Variants in DALRD3 observed in about 807,000 individuals in gnomAD.
DALRD3 encodes the protein DALR anticodon binding domain containing 3.
In DALRD3, 47 loss-of-function variants were observed where a neutral mutation model predicts 56.7. That is an observed-to-expected ratio of 0.83 (90% CI 0.66 to 1.06). The LOEUF (loss-of-function observed/expected upper bound fraction) is 1.06, where lower values mean the gene tolerates loss of function less well. Ranked by LOEUF, DALRD3 falls within the 50% of genes least tolerant of loss-of-function variation. The pLI, the probability that DALRD3 is intolerant of heterozygous loss-of-function variation, is 0.00. For missense variants in DALRD3, 787 were observed against 724.0 expected, an observed-to-expected ratio of 1.09 and a Z score of -1.00; for synonymous variants, 347 against 308.5, an observed-to-expected ratio of 1.12 and a Z score of -1.31.
Position 49,015,805 on chromosome 3 carries a change from C to G in DALRD3, c.1511G>C (p.Gly504Ala). 1 of 1,614,134 alleles carries G rather than the reference C, an allele frequency of 6.2e-7. No homozygotes were observed. Among genetic ancestry groups the G allele is most frequent in the Non-Finnish European group, 8.5e-7 (1 of 1,180,036 alleles). ...CACCCCATTTTGCTGTGTGCTCACC[C>G]CCAGGATGTGTACCCGGTTGTAGTA... ...SSYYNRVHIL[G>A]EPRPHLFGQM... Residue 504 changes from glycine (G) to alanine (A), a missense_variant and splice_region_variant, in exon 11 of 12, where the codon GGG (glycine) becomes GCG (alanine). Coordinates refer to ENST00000341949, the MANE Select transcript of DALRD3 (RefSeq NM_001009996.3).
chr3:49,020,504 T>C (rs1575299971), upstream of DALRD3: 1 of 414,236 alleles, frequency 2.4e-6, no homozygotes, highest in Non-Finnish European at 5.1e-6. Flanking sequence ...CTCTCCCACG[T>C]CTACACCCAT....
In DALRD3 at chr3:49,016,321, TCAGCCAGAGC is replaced by T. The variant is rs2093069230; in HGVS notation, c.1156_1165del (p.Ala386ThrfsTer44). On this transcript the variant is annotated frameshift_variant, in exon 9 of 12. Coordinates refer to ENST00000341949, the MANE Select transcript of DALRD3 (RefSeq NM_001009996.3). LOFTEE classifies it high-confidence loss of function. Reference sequence around the variant, plus strand: ...TGTGCCCTTCGTGGAGATACTGCTGTCAGCCAGAGCCAGGAAGAGCTGGGGAATAGAAGCA... The same window carrying T: ...TGTGCCCTTCGTGGAGATACTGCTGTCAGGAAGAGCTGGGGAATAGAAGCA... The T allele has an allele frequency of 6.2e-7, 1 of 1,608,674 alleles. No homozygotes were observed. The highest frequency in any genetic ancestry group is 8.5e-7 in the Non-Finnish European group (1 of 1,175,636).
chr3:49,018,848 G>C (rs924709105), upstream of DALRD3: 4 of 985,314 alleles, frequency 4.1e-6, no homozygotes, highest in Non-Finnish European at 3.6e-6. Flanking sequence ...CTCGCGACCC[G>C]GTGGGCGCTT....
intron 11 of DALRD3, 33 bp from the exon 12 acceptor site, chr3:49,015,740 C>G (rs766831505): frequency 6.2e-6 from 10 of 1,614,012 alleles, no homozygotes; most frequent in Non-Finnish European, 7.6e-6. Flanking sequence ...GTCTCATCCT[C>G]TGCTTCCTTT....
upstream of DALRD3, chr3:49,020,131 C>T (rs1391018418): frequency 1.9e-6 from 1 of 533,956 alleles, no homozygotes; most frequent in African/African-American, 1.9e-5. Context: ...AGGGCTGAGG[C>T]CCTGCTGGGA....
At position 49,018,162 on chromosome 3, in the gene DALRD3, G is replaced by A; in HGVS notation, c.322C>T (p.Pro108Ser). The change falls in exon 2 of 12, where the codon CCC (proline) becomes TCC (serine). Residue 108 changes from proline (P) to serine (S), a missense_variant. Coordinates refer to ENST00000341949, the MANE Select transcript of DALRD3 (RefSeq NM_001009996.3). ...TGGCCCAGCGAGGCAGGCGAGGCGGGCGTGGCATAGGCGGCCACGGCGCTG... is the reference window on the plus strand; with the variant it reads ...TGGCCCAGCGAGGCAGGCGAGGCGGACGTGGCATAGGCGGCCACGGCGCTG... ...VLSAVAAYATPASPASLGQRV... is the reference protein window; with the variant it reads ...VLSAVAAYATSASPASLGQRV... The A allele has an allele frequency of 2.1e-6, 3 of 1,456,926 alleles. No individual in the cohort carries two copies. Among genetic ancestry groups the A allele is most frequent in the Non-Finnish European group, 2.7e-6 (3 of 1,115,950 alleles). The allele number at this position is 1,456,926 out of a possible 1,614,324, so 90.2% of individuals were successfully genotyped here. A position where few individuals can be genotyped will look rare whatever the true frequency, so the allele number is the denominator to read the frequency against.
At chr3:49,020,720 G>A (rs767844290), upstream of DALRD3, 4 of 479,588 alleles carry the variant, frequency 8.3e-6, no homozygotes, top group Admixed American at 2.3e-5. Context: ...TTGGCGGGGG[G>A]CGGGGGAGCT....
Position 49,018,108 on chromosome 3 carries a change from G to C in DALRD3, c.376C>G (p.Arg126Gly). ...AAGCGGAGTGCGCAGGGGGAGCTGC[G>C]CAGTGCTGGGCAGTGTAGTAAGACG... The part of the protein sequence containing the change: ...QRVLLHCPAL[R>G]SSPCALRLSQ... Residue 126 changes from arginine to glycine, a missense_variant, in exon 2 of 12, where the codon CGC becomes GGC. Transcript: ENST00000341949. 6.8e-7 allele frequency: 1 copy of C among 1,476,098 alleles called. No individual in the cohort carries two copies. Among genetic ancestry groups the C allele is most frequent in the Non-Finnish European group, 8.9e-7 (1 of 1,121,228 alleles). 91.4% of individuals were successfully genotyped at this position (1,476,098 alleles called of 1,614,324 possible). A position where few individuals can be genotyped will look rare whatever the true frequency, so the allele number is the denominator to read the frequency against.
At chr3:49,020,222 C>G (rs749445526), upstream of DALRD3, 2 of 534,744 alleles carry the variant, frequency 3.7e-6, no homozygotes, top group Admixed American at 1.9e-5. Flanking sequence ...TCGTGTCATT[C>G]CAAAGCGCTT....
upstream of DALRD3, chr3:49,020,532 C>A (rs1575300039): frequency 2.3e-6 from 1 of 438,300 alleles, no homozygotes; most frequent in South Asian, 1.6e-5. Flanking sequence ...AGCCTGAGGG[C>A]GCAACTGAGA....
At chr3:49,018,717 C>A (rs78807522), upstream of DALRD3, 160,094 of 1,394,050 alleles carry the variant, frequency 0.11, 10,458 homozygotes, top group South Asian at 0.16. Context: ...CGACCTACCG[C>A]CCCCAGCGCC....
Position 49,018,381 on chromosome 3 carries a change from C to CCGCCCGGCTCA in DALRD3, c.165+8_165+18dup. 1 of 1,546,278 alleles carries CCGCCCGGCTCA rather than the reference C, an allele frequency of 6.5e-7. No individual in the cohort carries two copies. Among genetic ancestry groups the CCGCCCGGCTCA allele is most frequent in the East Asian group, 2.4e-5 (1 of 41,020 alleles). On this transcript the variant is annotated intron_variant, in intron 1 of 11. Coordinates refer to ENST00000341949, the MANE Select transcript of DALRD3 (RefSeq NM_001009996.3). ...GGGCCCATCTCCCGGCCGCACGGCC[C>CCGCCCGGCTCA]CGCCCGGCTCACGCCCACCTGGCCG...
At chr3:49,020,555 C>G, upstream of DALRD3, 1 of 460,846 alleles carries the variant, frequency 2.2e-6, no homozygotes. Context: ...AACTGAGACC[C>G]AAGCAGCTCA....
chr3:49,018,001 C>A (rs113318492), intron 2 of DALRD3, 22 bp downstream of exon 2: 122 of 1,476,650 alleles, frequency 8.3e-5, no homozygotes, highest in Non-Finnish European at 1.2e-5. Context: ...TTTCTCCATT[C>A]CGGCCCCGCG....
At position 49,015,560 on chromosome 3, in the gene DALRD3, A is replaced by G. The variant is rs749238169; in HGVS notation, c.*28T>C. The G allele has an allele frequency of 5.0e-6, 8 of 1,608,658 alleles. No homozygotes were observed. Among genetic ancestry groups the G allele is most frequent in the Admixed American group, 1.7e-5 (1 of 58,516 alleles). On this transcript the variant is annotated 3_prime_UTR_variant, in exon 12 of 12. Coordinates refer to ENST00000341949, the MANE Select transcript of DALRD3 (RefSeq NM_001009996.3). ...TTTTCCAGTTGATGACTTTGTGAACATTCCCAGGTATTGGAGCCTCTGTGG... is the reference window on the plus strand; with the variant it reads ...TTTTCCAGTTGATGACTTTGTGAACGTTCCCAGGTATTGGAGCCTCTGTGG...
rs1311015602 is a variant in DALRD3, at chr3:49,016,758, T to C, written c.1001+16A>G. 15 of 1,614,002 alleles carry C rather than the reference T, an allele frequency of 9.3e-6. No homozygotes were observed. The highest frequency in any genetic ancestry group is 1.3e-5 in the Non-Finnish European group (15 of 1,179,992). On this transcript the variant is annotated intron_variant, in intron 6 of 11. Coordinates refer to ENST00000341949, the MANE Select transcript of DALRD3 (RefSeq NM_001009996.3). ...TTACCCTGGCTTAGGTTGGTGTTCC[T>C]CCCAGCCTCACTCACTCGTAGTACT...
Position 49,017,486 on chromosome 3 carries a change from G to A in DALRD3, c.746C>T (p.Ala249Val). The A allele has an allele frequency of 1.2e-6, 2 of 1,614,148 alleles. No homozygotes were observed. Among genetic ancestry groups the A allele is most frequent in the Non-Finnish European group, 1.7e-6 (2 of 1,180,050 alleles). ...ATGCCATAGAGCCTCTTGCAGCTCA[G>A]CCAGCACAGAGAGGAGATCCTCAGT... ...LVTEDLLSVLAELQEALWHWP... is the reference protein window; with the variant it reads ...LVTEDLLSVLVELQEALWHWP... The change falls in exon 4 of 12, where the codon GCT becomes GTT. Residue 249 changes from alanine (A) to valine (V), a missense_variant. Ala to Val is a moderately conservative substitution (Grantham distance 64). Transcript: ENST00000341949.
chr3:49,020,721 CG>C (rs761775580), upstream of DALRD3: 4 of 477,484 alleles, frequency 8.4e-6, no homozygotes, highest in Non-Finnish European at 1.7e-5. Context: ...TGGCGGGGGG[CG>C]GGGGAGCTCC....
At chr3:49,019,475 CAG>C (rs1232440105), upstream of DALRD3, among the ~76,000 whole-genome samples, 1 of 149,720 alleles carries the variant, frequency 6.7e-6, no homozygotes, top group African/African-American at 2.5e-5. Context: ...CCAGAATTAC[CAG>C]ACTTTTTTTT....
Sources: allele counts gnomAD v4.1 joint callset (sites outside exome capture counted in the v4.1 genomes callset), GRCh38; gene constraint gnomAD v4.1.1; transcripts MANE v1.5; gene names NCBI Gene and HGNC (gene_info 2026-07-23, HGNC 2026-07-21).